YEATS2: variants seen among roughly 807,000 people sequenced by gnomAD.
YEATS2 encodes YEATS domain-containing protein 2.
In YEATS2, 77 loss-of-function variants were observed where a neutral mutation model predicts 163.2. That is an observed-to-expected ratio of 0.47 (90% CI 0.39 to 0.57). YEATS2 has a LOEUF of 0.57. Among genes scored for constraint, YEATS2 ranks in the 20% least tolerant of loss-of-function variants. The probability of loss-of-function intolerance (pLI) is 0.00; values close to 1 mark genes in which losing one functional copy is unlikely to be tolerated. For missense variants in YEATS2, 1,549 were observed against 1,729.8 expected (o/e 0.90, Z 1.85); for synonymous variants, 631 against 645.1 (o/e 0.98, Z 0.33).
chr3:183,758,156 G>A (rs1398226112), intron 12 of YEATS2, among the ~76,000 whole-genome samples: 7 of 152,110 alleles, frequency 4.6e-5, no homozygotes, highest in East Asian at 3.9e-4. Flanking sequence ...TCAGGAGTTC[G>A]AGAGCAGCCT....
intron 1 of YEATS2, among the ~76,000 whole-genome samples, chr3:183,710,857 A>G (rs1164914259): frequency 6.6e-6 from 1 of 152,216 alleles, no homozygotes; most frequent in African/African-American, 2.4e-5. Context: ...AGTGAGGATG[A>G]TGCTGGAGGG....
chr3:183,720,124 C>G (rs1436613791), intron 4 of YEATS2, among the ~76,000 whole-genome samples: 1 of 152,146 alleles, frequency 6.6e-6, no homozygotes, highest in Non-Finnish European at 1.5e-5. Flanking sequence ...TCTAGCATAT[C>G]AGCAGGCACC....
At chr3:183,706,177 G>C (rs1478616570) in intron 1 of YEATS2, among the ~76,000 whole-genome samples, 3 of 152,196 alleles carry the variant, frequency 2.0e-5, no homozygotes, top group South Asian at 2.1e-4. Flanking sequence ...GGAGATTTCA[G>C]CTGGAATCTG....
chr3:183,766,907 T>C (rs1721960155), intron 15 of YEATS2, among the ~76,000 whole-genome samples: 1 of 151,718 alleles, frequency 6.6e-6, no homozygotes, highest in South Asian at 2.1e-4. Flanking sequence ...ACTCCTGGGC[T>C]CAAGCAGTCT....
rs566546270 is a variant in YEATS2, at chr3:183,706,760, G to A, written c.-19-8384G>A. Among the ~76,000 whole-genome samples the A allele has an allele frequency of 9.2e-5, 14 of 152,230 alleles. No individual in the cohort carries two copies. In the South Asian group the frequency reaches 1.7e-3, roughly 18 times the overall value. On this transcript the variant is annotated intron_variant, in intron 1 of 30. Transcript: ENST00000305135. ...GAACCCGGGAGGCGGAGGTTGCCGC[G>A]AGCTGAGATTGTGCCATTGCACTCC...
chr3:183,700,537 A>G (rs1189233111), intron 1 of YEATS2, among the ~76,000 whole-genome samples: 1 of 151,112 alleles, frequency 6.6e-6, no homozygotes, highest in African/African-American at 2.4e-5. Flanking sequence ...GAGTTGATGC[A>G]GTTTTCTCAC....
intron 1 of YEATS2, among the ~76,000 whole-genome samples, chr3:183,708,428 C>T (rs1219564299): frequency 2.0e-5 from 3 of 152,184 alleles, no homozygotes; most frequent in African/African-American, 7.2e-5. Context: ...GGACTGGCTT[C>T]TGGGGTTCTC....
chr3:183,800,121 C>G (rs573314509), intron 23 of YEATS2, among the ~76,000 whole-genome samples: 2 of 152,144 alleles, frequency 1.3e-5, no homozygotes, highest in African/African-American at 2.4e-5. Flanking sequence ...CGTGAGCCAC[C>G]GCGCCCGGCC....
intron 17 of YEATS2, 139 bp downstream of exon 17, chr3:183,773,933 C>T: frequency 1.0e-6 from 1 of 976,208 alleles, no homozygotes; most frequent in Non-Finnish European, 1.4e-6. Flanking sequence ...AGCATTTGCT[C>T]AGATGGATTT....
At chr3:183,775,445 A>G (rs1461145542) in intron 17 of YEATS2, among the ~76,000 whole-genome samples, 2 of 152,098 alleles carry the variant, frequency 1.3e-5, no homozygotes, top group Non-Finnish European at 2.9e-5. Context: ...AAAATACAAA[A>G]TTAGCTGGGC....
intron 7 of YEATS2, among the ~76,000 whole-genome samples, 176 bp downstream of exon 7, chr3:183,729,027 C>G (rs1310914488): frequency 6.6e-6 from 1 of 152,180 alleles, no homozygotes; most frequent in African/African-American, 2.4e-5. Flanking sequence ...AATCCAAGCA[C>G]TTTGGGAGGC....
intron 17 of YEATS2, among the ~76,000 whole-genome samples, chr3:183,774,892 TA>T (rs1186569317): frequency 6.6e-6 from 1 of 152,212 alleles, no homozygotes; most frequent in African/African-American, 2.4e-5. Flanking sequence ...AAGGACAATG[TA>T]AATATTTCAG....
intron 1 of YEATS2, among the ~76,000 whole-genome samples, chr3:183,702,824 T>C (rs1208467579): frequency 6.9e-6 from 1 of 144,128 alleles, no homozygotes; most frequent in Non-Finnish European, 1.5e-5. Flanking sequence ...ACAGCAAGAC[T>C]CTCTCTCTCA....
intron 7 of YEATS2, among the ~76,000 whole-genome samples, chr3:183,730,048 G>GT (rs1476187052): frequency 1.9e-4 from 4 of 20,804 alleles, no homozygotes; most frequent in African/African-American, 2.5e-4. Flanking sequence ...GTGGTTTTTT[G>GT]TTTGTTTTTT....
At chr3:183,798,776 C>A in intron 22 of YEATS2, 115 bp from the exon 23 acceptor site, 1 of 767,520 alleles carries the variant, frequency 1.3e-6, no homozygotes, top group African/African-American at 1.7e-5. Flanking sequence ...TCCTGTTGTC[C>A]TCAAGTTGCC....
chr3:183,732,220 G>C (rs1717863230), intron 7 of YEATS2, among the ~76,000 whole-genome samples: 1 of 151,348 alleles, frequency 6.6e-6, no homozygotes, highest in Admixed American at 6.6e-5. Context: ...GGAGACTGAG[G>C]CAGGTGGATC....
intron 25 of YEATS2, 55 bp downstream of exon 25, chr3:183,801,583 G>C (rs1241885547): frequency 7.3e-7 from 1 of 1,372,004 alleles, no homozygotes; most frequent in Non-Finnish European, 1.0e-6. Context: ...TGAACTTAAG[G>C]TATTGAGTCA....
chr3:183,781,912 AAAAT>A (rs1463216607), intron 19 of YEATS2, among the ~76,000 whole-genome samples: 1 of 151,852 alleles, frequency 6.6e-6, no homozygotes, highest in African/African-American at 2.4e-5. Flanking sequence ...TAAAAAAAAA[AAAAT>A]TTTTTTTTTC....
In YEATS2 at chr3:183,808,018, C is replaced by T; in HGVS notation, c.4012-12C>T. The T allele has an allele frequency of 1.3e-6, 2 of 1,556,386 alleles. No individual in the cohort carries two copies. ...AGCGATACGAACAAACGGCTTTCTT[C>T]TGCTTTTCCAGATTGGGATCACCCT... is the stretch of plus-strand genomic sequence containing the variant. On this transcript the variant is annotated splice_polypyrimidine_tract_variant and intron_variant, in intron 28 of 30. Transcript: ENST00000305135.
Sources: allele counts gnomAD v4.1 joint callset (sites outside exome capture counted in the v4.1 genomes callset), GRCh38; gene constraint gnomAD v4.1.1; transcripts MANE v1.5; gene names NCBI Gene and HGNC (gene_info 2026-07-23, HGNC 2026-07-21).